SMDT1: variants seen among roughly 807,000 people sequenced by gnomAD.
SMDT1 encodes single-pass membrane protein with aspartate rich tail 1.
In SMDT1, 6 loss-of-function variants were observed where a neutral mutation model predicts 5.9. That is an observed-to-expected ratio of 1.03 (90% CI 0.56 to 2.02). The LOEUF (loss-of-function observed/expected upper bound fraction) is 2.02. Among genes scored for constraint, SMDT1 ranks in the 30% most tolerant of loss-of-function variants. The pLI, the probability that SMDT1 is intolerant of heterozygous loss-of-function variation, is 0.00. For missense variants in SMDT1, 159 were observed against 145.6 expected, an observed-to-expected ratio of 1.09 and a Z score of -0.47; for synonymous variants, 81 against 62.4, an observed-to-expected ratio of 1.30 and a Z score of -1.40.
Position 42,079,895 on chromosome 22 carries a change from GTACCGTCGA to G in SMDT1, c.128_136del (p.Val43_Arg46delinsGly). The G allele has an allele frequency of 6.2e-7, 1 of 1,614,198 alleles. No individual in the cohort carries two copies. Among genetic ancestry groups the G allele is most frequent in the Non-Finnish European group, 8.5e-7 (1 of 1,180,030 alleles). Reference sequence around the variant, plus strand: ...ATGGAGCGGCTCAGGCCGGAGCCTGGTACCGTCGAGGTCAGTCATCGTTACCCGCAGCGG... The same window carrying G: ...ATGGAGCGGCTCAGGCCGGAGCCTGGGGTCAGTCATCGTTACCCGCAGCGG... On this transcript the variant is annotated inframe_deletion, in exon 1 of 3. Transcript: ENST00000331479.
At position 42,079,888 on chromosome 22, in the gene SMDT1, G is replaced by A. The variant is rs1424201225; in HGVS notation, c.120G>A (p.Arg40=). The part of the protein sequence containing the change: ...DVSAAWSGSG[R]SLVPSRSVIV... ...CCGCCGCATGGAGCGGCTCAGGCCG[G>A]AGCCTGGTACCGTCGAGGTCAGTCA... The change falls in exon 1 of 3, where the codon CGG becomes CGA. Residue 40 remains arginine, a synonymous_variant. Transcript: ENST00000331479. 1.2e-6 allele frequency: 2 copies of A among 1,614,212 alleles called. 1 individual carries two copies. Among genetic ancestry groups the A allele is most frequent in the South Asian group, 2.2e-5 (2 of 91,082 alleles).
At chr22:42,082,253 GT>G in intron 2 of SMDT1, 188 bp downstream of exon 2, 2 of 678,388 alleles carry the variant, frequency 2.9e-6, no homozygotes, top group Non-Finnish European at 4.9e-6. Flanking sequence ...CCAGGCTGGA[GT>G]GCAATGGCAT....
In SMDT1 at chr22:42,079,751, AG is replaced by A; in HGVS notation, c.-14del. Reference sequence around the variant, plus strand: ...GCGGTGGGGTGCGGGTGCCCGGGTGAGGGGCGGAGCTGGGGGCATGGCGTCC... The same window carrying A: ...GCGGTGGGGTGCGGGTGCCCGGGTGAGGGCGGAGCTGGGGGCATGGCGTCC... On this transcript the variant is annotated 5_prime_UTR_variant, in exon 1 of 3. Coordinates refer to ENST00000331479, the MANE Select transcript of SMDT1 (RefSeq NM_033318.5). 1 of 1,594,544 alleles carries A rather than the reference AG, an allele frequency of 6.3e-7. No homozygotes were observed.
At chr22:42,081,650 C>T (rs934468688) in intron 1 of SMDT1, among the ~76,000 whole-genome samples, 6 of 151,576 alleles carry the variant, frequency 4.0e-5, no homozygotes, top group African/African-American at 7.3e-5. Context: ...TTAGTAGAGA[C>T]GGGATTTCAC....
intron 1 of SMDT1, among the ~76,000 whole-genome samples, chr22:42,081,169 C>CT (rs58944505): frequency 0.018 from 2,607 of 144,020 alleles, 70 homozygotes; most frequent in African/African-American, 0.059. Context: ...ACCTTATCTC[C>CT]TTTTTTTTTT....
intron 2 of SMDT1, 132 bp downstream of exon 2, chr22:42,082,197 T>C (rs746147814): frequency 1.7e-5 from 20 of 1,149,180 alleles, no homozygotes; most frequent in Non-Finnish European, 2.2e-5. Flanking sequence ...TGGTGGCTAA[T>C]GTTTTCGTTT....
At chr22:42,080,684 A>G (rs5996107) in intron 1 of SMDT1, among the ~76,000 whole-genome samples, 8,902 of 152,268 alleles carry the variant, frequency 0.058, 880 homozygotes, top group African/African-American at 0.2. Flanking sequence ...TCTTAAAGCT[A>G]GTCTAGCCTA....
Position 42,079,881 on chromosome 22 carries a change from C to T in SMDT1, c.113C>T (p.Ser38Leu), listed in dbSNP as rs760008926. ...GATGTCTCCGCCGCATGGAGCGGCTCAGGCCGGAGCCTGGTACCGTCGAGG... is the reference window on the plus strand; with the variant it reads ...GATGTCTCCGCCGCATGGAGCGGCTTAGGCCGGAGCCTGGTACCGTCGAGG... ...DGDVSAAWSG[S>L]GRSLVPSRSV... Residue 38 changes from serine to leucine, a missense_variant, in exon 1 of 3, where the codon TCA becomes TTA. Physicochemically the swap from Ser to Leu is moderately radical, Grantham distance 145 (BLOSUM62 -2). Transcript: ENST00000331479. The T allele has an allele frequency of 9.9e-6, 16 of 1,614,070 alleles. No homozygotes were observed. Among genetic ancestry groups the T allele is most frequent in the Non-Finnish European group, 1.4e-5 (16 of 1,180,042 alleles).
chr22:42,080,981 C>T (rs1464450693), intron 1 of SMDT1, among the ~76,000 whole-genome samples: 2 of 152,172 alleles, frequency 1.3e-5, no homozygotes, highest in Non-Finnish European at 2.9e-5. Flanking sequence ...CATCGGTTTT[C>T]GTGTATTTCG....
At position 42,082,075 on chromosome 22, in the gene SMDT1, G is replaced by A. The variant is rs1569462382; in HGVS notation, c.*3+10G>A. ...TGATGATGACTAACAGGTAAGACTT[G>A]CTTTACCCTAGATGGAGCAGGAAGC... On this transcript the variant is annotated intron_variant, in intron 2 of 2. Transcript: ENST00000331479. 1.2e-6 allele frequency: 2 copies of A among 1,608,832 alleles called. No individual in the cohort carries two copies. Among genetic ancestry groups the A allele is most frequent in the Non-Finnish European group, 1.7e-6 (2 of 1,180,004 alleles).
chr22:42,080,113 A>C (rs1927661476), intron 1 of SMDT1, among the ~76,000 whole-genome samples, 159 bp downstream of exon 1: 1 of 152,172 alleles, frequency 6.6e-6, no homozygotes. Flanking sequence ...TAATTTTGAC[A>C]GGTGTGTAGA....
At position 42,083,823 on chromosome 22, in the gene SMDT1, C is replaced by T. The variant is rs574065202; in HGVS notation, c.*708C>T. On this transcript the variant is annotated 3_prime_UTR_variant, in exon 3 of 3. Transcript: ENST00000331479. The stretch of plus-strand genomic sequence containing the variant: ...CTCAGATCTTCTCCTGACCTCCTTT[C>T]ACCTGCTGCTTTTTCTCCCCAAGGC... 9.8e-5 allele frequency: 15 copies of T among 152,314 alleles called. No individual in the cohort carries two copies. The highest frequency in any genetic ancestry group is 3.1e-4 in the African/African-American group (13 of 41,582). The allele number at this position is 152,314 out of a possible 1,614,324, so 9.4% of individuals were successfully genotyped here.
At position 42,079,949 on chromosome 22, in the gene SMDT1, G is replaced by C; in HGVS notation, c.181G>C (p.Val61Leu). The change falls in exon 1 of 3, where the codon GTG becomes CTG. Residue 61 changes from valine (V) to leucine (L), a missense_variant. Physicochemically the swap from Val to Leu is conservative, Grantham distance 32. Transcript: ENST00000331479. ...TRSGAILPKP[V>L]KMSFGLLRVF... ...CAGCGGCGCCATTTTGCCCAAACCG[G>C]TGAAAGTGAGTGTCCTCCTGGAGAC... 6.2e-7 allele frequency: 1 copy of C among 1,610,974 alleles called. No individual in the cohort carries two copies. The highest frequency in any genetic ancestry group is 8.5e-7 in the Non-Finnish European group (1 of 1,177,986).
chr22:42,081,998 A>G lies in SMDT1; in HGVS notation c.260A>G (p.Asn87Ser). The change falls in exon 2 of 3, where the codon AAC (asparagine) becomes AGC (serine). Residue 87 changes from asparagine (N) to serine (S), a missense_variant. Transcript: ENST00000331479. ...TATGTCGGGACACTCATTAGCAAGA[A>G]CTTTGCTGCTCTACTTGAGGAACAT... Reference protein sequence around the residue: ...FLYVGTLISKNFAALLEEHDI... With the variant: ...FLYVGTLISKSFAALLEEHDI... 1 of 1,614,042 alleles carries G rather than the reference A, an allele frequency of 6.2e-7. No homozygotes were observed. Among genetic ancestry groups the G allele is most frequent in the Non-Finnish European group, 8.5e-7 (1 of 1,180,040 alleles).
chr22:42,080,028 A>G, intron 1 of SMDT1, 74 bp downstream of exon 1: 1 of 1,475,594 alleles, frequency 6.8e-7, no homozygotes, highest in Non-Finnish European at 9.2e-7. Context: ...GGCGGCGCTG[A>G]TTGATAGGAG....
intron 1 of SMDT1, among the ~76,000 whole-genome samples, chr22:42,081,488 C>T (rs1927782837): frequency 7.2e-6 from 1 of 139,568 alleles, no homozygotes; most frequent in African/African-American, 2.7e-5. Flanking sequence ...TTAGACAGAG[C>T]CTCACTCTGT....
In SMDT1 at chr22:42,079,923, G is replaced by T; in HGVS notation, c.155G>T (p.Arg52Leu). ...CCGTCGAGGTCAGTCATCGTTACCC[G>T]CAGCGGCGCCATTTTGCCCAAACCG... ...LVPSRSVIVTRSGAILPKPVK... is the reference protein window; with the variant it reads ...LVPSRSVIVTLSGAILPKPVK... Residue 52 changes from arginine to leucine, a missense_variant, in exon 1 of 3, where the codon CGC becomes CTC. Physicochemically the swap from Arg to Leu is moderately radical, Grantham distance 102. Coordinates refer to ENST00000331479, the MANE Select transcript of SMDT1 (RefSeq NM_033318.5). The T allele has an allele frequency of 1.9e-6, 3 of 1,613,354 alleles. No individual in the cohort carries two copies. Among genetic ancestry groups the T allele is most frequent in the Non-Finnish European group, 2.5e-6 (3 of 1,179,676 alleles).
chr22:42,081,553 T>A (rs1602511175), intron 1 of SMDT1, among the ~76,000 whole-genome samples: 1 of 152,032 alleles, frequency 6.6e-6, no homozygotes, highest in South Asian at 2.1e-4. Context: ...TTCTGCCTCC[T>A]GGATTCAAGC....
Position 42,081,919 on chromosome 22 carries a change from C to A in SMDT1, c.187-6C>A. The A allele has an allele frequency of 1.9e-6, 3 of 1,613,892 alleles. No individual in the cohort carries two copies. In the African/African-American group the frequency reaches 4.0e-5, roughly 22 times the overall value. ...AGCTCACAGCTGCCACTCTGACCCT[C>A]TGCAGATGTCCTTCGGCCTTCTCCG... On this transcript the variant is annotated splice_region_variant and splice_polypyrimidine_tract_variant and intron_variant, in intron 1 of 2. Coordinates refer to ENST00000331479, the MANE Select transcript of SMDT1 (RefSeq NM_033318.5).
Sources: allele counts gnomAD v4.1 joint callset (sites outside exome capture counted in the v4.1 genomes callset), GRCh38; gene constraint gnomAD v4.1.1; transcripts MANE v1.5; gene names NCBI Gene and HGNC (gene_info 2026-07-23, HGNC 2026-07-21).